MSRA: variants seen among roughly 807,000 people sequenced by gnomAD.
MSRA encodes mitochondrial peptide methionine sulfoxide reductase.
A neutral mutation model predicts 31.3 loss-of-function variants in MSRA; 54 were observed. That is an observed-to-expected ratio of 1.73 (90% CI 1.39 to 2.17). MSRA has a LOEUF of 2.17. Ranked by LOEUF, MSRA falls within the 30% of genes most tolerant of loss-of-function variation. The pLI is 0.00. For synonymous variants in MSRA, 169 were observed against 116.5 expected (o/e 1.45, Z -2.90); for missense variants, 507 against 300.9 (o/e 1.69, Z -5.07).
intron 1 of MSRA, among the ~76,000 whole-genome samples, chr8:10,186,684 G>C (rs1031444225): frequency 6.6e-6 from 1 of 152,142 alleles, no homozygotes. Flanking sequence ...CAGGTGAAAG[G>C]CTTTGTTGCC....
At chr8:10,281,466 A>C (rs1799619341) in intron 3 of MSRA, among the ~76,000 whole-genome samples, 1 of 152,232 alleles carries the variant, frequency 6.6e-6, no homozygotes, top group African/African-American at 2.4e-5. Context: ...GGGATGGCAC[A>C]GCCTTGACAA....
chr8:10,247,399 C>G (rs954239364), intron 3 of MSRA, among the ~76,000 whole-genome samples: 2 of 152,198 alleles, frequency 1.3e-5, no homozygotes, highest in African/African-American at 2.4e-5. Context: ...CTCCATTCAT[C>G]CCTTTGCACT....
chr8:10,423,675 C>A (rs1808951500), intron 5 of MSRA, among the ~76,000 whole-genome samples: 1 of 152,218 alleles, frequency 6.6e-6, no homozygotes, highest in Admixed American at 6.5e-5. Flanking sequence ...GTGCTCCCTG[C>A]AAGGACACAG....
chr8:10,242,198 G>A (rs1389935703), intron 2 of MSRA, among the ~76,000 whole-genome samples: 2 of 151,960 alleles, frequency 1.3e-5, no homozygotes, highest in Non-Finnish European at 2.9e-5. Flanking sequence ...TTGAACCCGG[G>A]AGGTGGAGGT....
chr8:10,342,369 G>T (rs950891025), intron 5 of MSRA, among the ~76,000 whole-genome samples: 1 of 152,212 alleles, frequency 6.6e-6, no homozygotes, highest in Non-Finnish European at 1.5e-5. Flanking sequence ...ATCGAGTGTT[G>T]ATGTCATCAC....
chr8:10,288,711 C>T (rs986616144), intron 3 of MSRA, among the ~76,000 whole-genome samples: 5 of 152,136 alleles, frequency 3.3e-5, no homozygotes, highest in Admixed American at 6.5e-5. Flanking sequence ...AATGTACTTA[C>T]ATTTATTATT....
At chr8:10,123,492 C>A (rs1801275006) in intron 1 of MSRA, among the ~76,000 whole-genome samples, 1 of 152,164 alleles carries the variant, frequency 6.6e-6, no homozygotes, top group Non-Finnish European at 1.5e-5. Context: ...TTGATAGTTT[C>A]TTTTGCTGTG....
At chr8:10,367,067 A>G (rs973461589) in intron 5 of MSRA, among the ~76,000 whole-genome samples, 27 of 152,348 alleles carry the variant, frequency 1.8e-4, no homozygotes, top group African/African-American at 6.5e-4. Flanking sequence ...CAATGCGAAC[A>G]TTTTAAATTG....
At chr8:10,222,847 C>G (rs1052635477) in intron 2 of MSRA, among the ~76,000 whole-genome samples, 1 of 152,050 alleles carries the variant, frequency 6.6e-6, no homozygotes, top group Non-Finnish European at 1.5e-5. Context: ...AGATGTTGGT[C>G]GAAGGGTACA....
chr8:10,152,334 A>G lies in MSRA; in HGVS notation c.143-55499A>G, dbSNP rs1464875119. On this transcript the variant is annotated intron_variant, in intron 1 of 5. Coordinates refer to ENST00000317173, the MANE Select transcript of MSRA (RefSeq NM_012331.5). Reference sequence around the variant, plus strand: ...AAATATGTCCAATGTAAAATCTACTAGAGAAGGAGTTTGTTTTTATGACTC... The same window carrying G: ...AAATATGTCCAATGTAAAATCTACTGGAGAAGGAGTTTGTTTTTATGACTC... Among the ~76,000 whole-genome samples, 6 of 152,234 alleles carry G rather than the reference A, an allele frequency of 3.9e-5. No individual in the cohort carries two copies. The East Asian group carries it at 9.6e-4, about 24-fold the overall frequency.
intron 5 of MSRA, among the ~76,000 whole-genome samples, chr8:10,415,665 C>G (rs1808414990): frequency 6.6e-6 from 1 of 152,086 alleles, no homozygotes; most frequent in Non-Finnish European, 1.5e-5. Context: ...GCCTAGCCCA[C>G]CTTTCCAGTT....
intron 1 of MSRA, among the ~76,000 whole-genome samples, chr8:10,152,998 C>G (rs1220708757): frequency 6.6e-6 from 1 of 152,078 alleles, no homozygotes; most frequent in Non-Finnish European, 1.5e-5. Context: ...TTTCCAGGGG[C>G]TGAGGAGAAG....
intron 5 of MSRA, among the ~76,000 whole-genome samples, chr8:10,343,048 C>G (rs927203929): frequency 1.4e-3 from 102 of 75,264 alleles, no homozygotes; most frequent in Middle Eastern, 7.2e-3. Flanking sequence ...CACACACACA[C>G]ACACAGACAC....
At chr8:10,112,283 A>G (rs1363345970) in intron 1 of MSRA, among the ~76,000 whole-genome samples, 1 of 152,222 alleles carries the variant, frequency 6.6e-6, no homozygotes, top group Non-Finnish European at 1.5e-5. Context: ...GACCATCTTG[A>G]TAGATATGCA....
At chr8:10,112,230 C>CT (rs770417896) in intron 1 of MSRA, among the ~76,000 whole-genome samples, 11 of 152,114 alleles carry the variant, frequency 7.2e-5, no homozygotes, top group African/African-American at 2.4e-4. Context: ...CTTAGGAAAG[C>CT]TAGTAGTGTA....
chr8:10,291,680 T>G (rs780426750), intron 3 of MSRA, among the ~76,000 whole-genome samples: 5 of 152,152 alleles, frequency 3.3e-5, no homozygotes, highest in Non-Finnish European at 7.4e-5. Flanking sequence ...CTCGCCCCTT[T>G]CTCCCTTCAA....
chr8:10,390,081 T>C lies in MSRA; in HGVS notation c.544-38067T>C, dbSNP rs144385686. On this transcript the variant is annotated intron_variant, in intron 5 of 5. Transcript: ENST00000317173. ...GCCCTGCCTTCTGCAGGTGCAGCAC[T>C]GTTGCCACCTGTGCCACATTCCCCG... Among the ~76,000 whole-genome samples the C allele has an allele frequency of 2.9e-3, 448 of 152,326 alleles. 1 individual carries two copies. Among genetic ancestry groups the C allele is most frequent in the African/African-American group, 0.01 (432 of 41,568 alleles).
intron 3 of MSRA, among the ~76,000 whole-genome samples, chr8:10,298,028 C>T (rs1429970659): frequency 3.9e-5 from 6 of 152,280 alleles, no homozygotes; most frequent in Non-Finnish European, 4.4e-5. Context: ...GAGCTTCATC[C>T]CCGGTTGAAA....
At chr8:10,275,939 T>C (rs149747567) in intron 3 of MSRA, among the ~76,000 whole-genome samples, 14 of 152,244 alleles carry the variant, frequency 9.2e-5, no homozygotes, top group Admixed American at 2.0e-4. Context: ...AATCATTAAT[T>C]GCTCATGAAA....
Sources: gnomAD v4.1 joint callset for allele counts (sites outside exome capture counted in the v4.1 genomes callset) on GRCh38, gnomAD v4.1.1 for gene constraint, MANE v1.5 for transcripts, NCBI Gene and HGNC (gene_info 2026-07-23, HGNC 2026-07-21) for gene names.